The following DAB2IP variants were observed in gnomAD, a reference collection of about 807,000 sequenced individuals.
DAB2IP encodes disabled homolog 2-interacting protein.
Under a neutral mutation model 107.2 loss-of-function variants are expected in DAB2IP, and 28 were observed. The observed-to-expected ratio is 0.26, with a 90% CI of 0.19 to 0.36. The LOEUF is 0.36. Ranked by LOEUF, DAB2IP falls within the 10% of genes least tolerant of loss-of-function variation. The pLI is 1.00. For synonymous variants in DAB2IP, 755 were observed against 706.4 expected, an observed-to-expected ratio of 1.07 and a Z score of -1.09; for missense variants, 1,400 against 1,644.7, an observed-to-expected ratio of 0.85 and a Z score of 2.57.
intron 3 of DAB2IP, among the ~76,000 whole-genome samples, chr9:121,747,545 C>A (rs35966257): frequency 1.8e-3 from 272 of 152,202 alleles, no homozygotes; most frequent in Non-Finnish European, 3.2e-3. Flanking sequence ...GATGGGGTTT[C>A]ACCGTGTTAG....
rs147430889 is a variant in DAB2IP at position 121,726,334 on chromosome 9, C to T, written c.362+26876C>T. 2.0e-3 allele frequency among the ~76,000 whole-genome samples: 303 copies of T among 152,312 alleles called. 2 individuals are homozygous for T. Among genetic ancestry groups the T allele is most frequent in the African/African-American group, 6.9e-3 (285 of 41,564 alleles). On this transcript the variant is annotated intron_variant, in intron 3 of 15. Transcript: ENST00000408936. ...TCCTAGGGAGGGCATGGAAGCTCCA[C>T]GCCCCTGCCCACATACCTCTCCCTA...
rs1834807261 is a variant in DAB2IP, at chr9:121,772,171, TA to T, written c.2079-435del. Among the ~76,000 whole-genome samples, 2 of 152,094 alleles carry T rather than the reference TA, an allele frequency of 1.3e-5. No homozygotes were observed. Among genetic ancestry groups the T allele is most frequent in the African/African-American group, 4.8e-5 (2 of 41,420 alleles). ...CCCCCACTTCAGTTACCAGTCTGAT[TA>T]GGAACAAGAGGGAAGAGGCAGAGGG... On this transcript the variant is annotated intron_variant, in intron 11 of 15. Transcript: ENST00000408936. This position sits in a 1 kb window ranked among gnomAD's most constrained non-coding sequence, Gnocchi z 4.7.
Position 121,750,934 on chromosome 9 carries a change from C to T in DAB2IP, c.363-6079C>T, listed in dbSNP as rs146696015. 2.6e-3 allele frequency: 417 copies of T among 157,882 alleles called. 1 individual carries two copies. Among genetic ancestry groups the T allele is most frequent in the Non-Finnish European group, 4.3e-3 (304 of 71,496 alleles). 9.8% of individuals were successfully genotyped at this position (157,882 alleles called of 1,614,324 possible). A position where few individuals can be genotyped will look rare whatever the true frequency, so the allele number is the denominator to read the frequency against. ...AATGAGCTGCTGTTGGGCCCTGGCGCTGTCTCTCATAGCAGCTCCCCGTGC... is the reference window on the plus strand; with the variant it reads ...AATGAGCTGCTGTTGGGCCCTGGCGTTGTCTCTCATAGCAGCTCCCCGTGC... On this transcript the variant is annotated intron_variant, in intron 3 of 15. Coordinates refer to ENST00000408936, the Ensembl canonical transcript of DAB2IP.
chr9:121,766,708 C>T lies in DAB2IP; in HGVS notation c.1675C>T (p.Gln559Ter), dbSNP rs1317455379. 1 of 1,613,934 alleles carries T rather than the reference C, an allele frequency of 6.2e-7. No homozygotes were observed. Among genetic ancestry groups the T allele is most frequent in the African/African-American group, 1.3e-5 (1 of 74,942 alleles). Residue 559 changes from glutamine (Q) to a stop codon, truncating the protein, a stop_gained, in exon 9 of 16, where the codon CAG becomes TAG. Transcript: ENST00000408936. LOFTEE classifies it high-confidence loss of function. ...CCTCACCCTCATCGCCAAGGTCACCCAGAACCTGGCCAACTTTGCCAAGTG... is the reference window on the plus strand; with the variant it reads ...CCTCACCCTCATCGCCAAGGTCACCTAGAACCTGGCCAACTTTGCCAAGTG...
intron 6 of DAB2IP, among the ~76,000 whole-genome samples, chr9:121,762,321 T>G (rs1416524594): frequency 2.6e-5 from 4 of 152,188 alleles, no homozygotes; most frequent in Non-Finnish European, 5.9e-5. Context: ...TGGCTCTCAT[T>G]GCGGGAGTTC....
rs371578036 is a variant in DAB2IP, at chr9:121,634,619, C to T, written c.41-44059C>T. Among the ~76,000 whole-genome samples, 44 of 152,244 alleles carry T rather than the reference C, an allele frequency of 2.9e-4. No individual in the cohort carries two copies. The highest frequency in any genetic ancestry group is 9.4e-4 in the African/African-American group (39 of 41,536). ...CAGTGGGGGTGGAGTTCACTGTCAG[C>T]GCCAAAGAGGAAGTGGGGAGGCCCT... On this transcript the variant is annotated intron_variant, in intron 1 of 16. Transcript: ENST00000259371. This position sits in a 1 kb window ranked among gnomAD's most constrained non-coding sequence, Gnocchi z 4.7.
rs189853438 is a variant in DAB2IP at position 121,620,625 on chromosome 9, T to G, written c.40+53397T>G. On this transcript the variant is annotated intron_variant, in intron 1 of 16. Coordinates refer to the DAB2IP transcript ENST00000259371. ...TAAACTTTGATATTATGTTATTGCT[T>G]GGGGCCTTGGCCAGCCACCCTGGGG... is the stretch of plus-strand genomic sequence containing the variant. Among the ~76,000 whole-genome samples, 17 of 152,288 alleles carry G rather than the reference T, an allele frequency of 1.1e-4. No homozygotes were observed. The East Asian group carries it at 3.1e-3, about 28-fold the overall frequency.
intron 1 of DAB2IP, among the ~76,000 whole-genome samples, chr9:121,568,698 C>A (rs1024496629): frequency 1.3e-5 from 2 of 152,134 alleles, no homozygotes; most frequent in Non-Finnish European, 2.9e-5. Flanking sequence ...CATTGGGATG[C>A]GTATGGACTC....
chr9:121,585,283 C>T (rs2789882), intron 1 of DAB2IP, among the ~76,000 whole-genome samples: 149,959 of 152,230 alleles, frequency 0.99, 73,910 homozygotes, highest in Non-Finnish European at 1. Flanking sequence ...AGGATTCTTC[C>T]TTGCATAGGA....
At chr9:121,575,041 C>G (rs907233575) in intron 1 of DAB2IP, 7 of 152,538 alleles carry the variant, frequency 4.6e-5, no homozygotes, top group African/African-American at 1.7e-4. Flanking sequence ...GAGGAGGGAG[C>G]CCCTGTGCCT....
intron 8 of DAB2IP, among the ~76,000 whole-genome samples, chr9:121,764,976 G>C (rs1266323911): frequency 6.6e-6 from 1 of 152,200 alleles, no homozygotes; most frequent in African/African-American, 2.4e-5. Context: ...AGTGTTTGCT[G>C]CTCCCCAAGG....
At chr9:121,775,574 G>A (rs141113078) in intron 13 of DAB2IP, among the ~76,000 whole-genome samples, 2,096 of 152,290 alleles carry the variant, frequency 0.014, 46 homozygotes, top group African/African-American at 0.047. Flanking sequence ...CTGCAGCCAC[G>A]CCGCTTCCCA....
At position 121,733,169 on chromosome 9, in the gene DAB2IP, G is replaced by A. The variant is rs542333026; in HGVS notation, c.363-23844G>A. 3.9e-5 allele frequency among the ~76,000 whole-genome samples: 6 copies of A among 152,332 alleles called. No individual in the cohort carries two copies. In the East Asian group the frequency reaches 9.6e-4, roughly 24 times the overall value. The stretch of plus-strand genomic sequence containing the variant: ...CAGGCCCTGGGCTGACTTTGCTACA[G>A]GGCATCCGTCTCTGGCCCTGTACCT... On this transcript the variant is annotated intron_variant, in intron 3 of 15. Coordinates refer to ENST00000408936, the Ensembl canonical transcript of DAB2IP.
chr9:121,574,307 G>A lies in DAB2IP; in HGVS notation c.40+7079G>A, dbSNP rs117090768. Among the ~76,000 whole-genome samples the A allele has an allele frequency of 1.4e-3, 213 of 152,114 alleles. 2 individuals are homozygous for A. Among genetic ancestry groups the A allele is most frequent in the Admixed American group, 0.012 (186 of 15,292 alleles). On this transcript the variant is annotated intron_variant, in intron 1 of 16. Coordinates refer to the DAB2IP transcript ENST00000259371. Reference sequence around the variant, plus strand: ...CCAGCCAAAGACCTGGGCTCTCATCGAGCCTCCATTTCCCCATCTGTGAAA... The same window carrying A: ...CCAGCCAAAGACCTGGGCTCTCATCAAGCCTCCATTTCCCCATCTGTGAAA...
Position 121,699,444 on chromosome 9 carries a change from C to A in DAB2IP, c.348C>A (p.Ala116=). Residue 116 remains alanine (A), a synonymous_variant, in exon 3 of 16, where the codon GCC becomes GCA. Coordinates refer to ENST00000408936, the Ensembl canonical transcript of DAB2IP. The surrounding 1 kb of genome is among the most constrained non-coding windows in gnomAD (Gnocchi z 6.2). Reference sequence around the variant, plus strand: ...GGTTCCGGAGCGCCGCCGCCGCCGCCGCGGACAATGAGAGGTGAGCCCGCC... The same window carrying A: ...GGTTCCGGAGCGCCGCCGCCGCCGCAGCGGACAATGAGAGGTGAGCCCGCC... The A allele has an allele frequency of 5.6e-6, 8 of 1,435,554 alleles. No homozygotes were observed. Among genetic ancestry groups the A allele is most frequent in the Non-Finnish European group, 7.4e-6 (8 of 1,081,882 alleles). The allele number at this position is 1,435,554 out of a possible 1,614,324, so 88.9% of individuals were successfully genotyped here. A position where few individuals can be genotyped will look rare whatever the true frequency, so the allele number is the denominator to read the frequency against.
Position 121,651,911 on chromosome 9 carries a change from C to A in DAB2IP, c.124+12C>A. The A allele has an allele frequency of 7.2e-7, 1 of 1,379,658 alleles. No homozygotes were observed. The highest frequency in any genetic ancestry group is 1.6e-5 in the South Asian group (1 of 61,174). The allele number at this position is 1,379,658 out of a possible 1,614,324, so 85.5% of individuals were successfully genotyped here. ...CCGGCCTGCCAGGGGTAGGCGCCACCCCGACCCCTGACCCCTAGACCCTCC... is the reference window on the plus strand; with the variant it reads ...CCGGCCTGCCAGGGGTAGGCGCCACACCGACCCCTGACCCCTAGACCCTCC... On this transcript the variant is annotated intron_variant, in intron 1 of 15. Coordinates refer to ENST00000408936, the Ensembl canonical transcript of DAB2IP. This position sits in a 1 kb window ranked among gnomAD's most constrained non-coding sequence, Gnocchi z 5.1.
intron 1 of DAB2IP, among the ~76,000 whole-genome samples, chr9:121,628,202 TGGAGATGCTGGC>T: frequency 6.6e-6 from 1 of 152,186 alleles, no homozygotes. Context: ...TGGAGCTGAG[TGGAGATGCTGGC>T]TCAGGGCTTC....
At position 121,750,332 on chromosome 9, in the gene DAB2IP, T is replaced by C. The variant is rs373159341; in HGVS notation, c.363-6681T>C. ...GCATTCACTTGTGTGCGCGCGCGCG[T>C]GTGTGTGTGTGTTTAATCCCAGGGC... On this transcript the variant is annotated intron_variant, in intron 3 of 15. Coordinates refer to ENST00000408936, the Ensembl canonical transcript of DAB2IP. Among the ~76,000 whole-genome samples the C allele has an allele frequency of 7.2e-3, 1,095 of 151,938 alleles. 7 individuals are homozygous for C. Among genetic ancestry groups the C allele is most frequent in the African/African-American group, 0.024 (980 of 41,466 alleles).
At chr9:121,659,788 C>T (rs917072762) in intron 1 of DAB2IP, among the ~76,000 whole-genome samples, 11 of 151,706 alleles carry the variant, frequency 7.3e-5, no homozygotes, top group South Asian at 2.1e-4. Flanking sequence ...AGCGAGATTC[C>T]GTCTCAAAAA....
Sources: gnomAD v4.1 joint callset for allele counts (sites outside exome capture counted in the v4.1 genomes callset) on GRCh38, gnomAD v4.1.1 for gene constraint, Gnocchi (gnomAD v3.1) non-coding constraint, MANE v1.5 for transcripts, NCBI Gene and HGNC (gene_info 2026-07-23, HGNC 2026-07-21) for gene names.